The following ENTREP2 variants were observed in gnomAD, a reference collection of about 807,000 sequenced individuals.
ENTREP2 encodes the protein endosomal transmembrane epsin interactor 2, also known as protein ENTREP2.
chr15:29,556,305 G>C, the ENTREP2 span, among the ~76,000 whole-genome samples: 3 of 152,136 alleles, frequency 2.0e-5, no homozygotes, highest in Non-Finnish European at 4.4e-5. Flanking sequence ...TGGGTCAAGT[G>C]ACAACTTTCT....
the ENTREP2 span, among the ~76,000 whole-genome samples, chr15:29,611,372 C>G: frequency 6.6e-6 from 1 of 151,672 alleles, no homozygotes; most frequent in East Asian, 1.9e-4. Flanking sequence ...CATATTAAAA[C>G]TCATTAAAAA....
chr15:29,595,908 T>C, the ENTREP2 span, among the ~76,000 whole-genome samples: 1 of 152,124 alleles, frequency 6.6e-6, no homozygotes, highest in Admixed American at 6.6e-5. Context: ...TATGGGAATT[T>C]ATTTTGTGAG....
chr15:29,461,400 G>C, the ENTREP2 span, among the ~76,000 whole-genome samples: 5 of 152,016 alleles, frequency 3.3e-5, no homozygotes, highest in African/African-American at 1.2e-4. Context: ...GCTCAAGAAA[G>C]GTAATTTTTC....
the ENTREP2 span, among the ~76,000 whole-genome samples, chr15:29,286,695 A>C: frequency 6.6e-6 from 1 of 152,222 alleles, no homozygotes; most frequent in African/African-American, 2.4e-5. Context: ...CATGCCACTG[A>C]CTAGGGATGA....
the ENTREP2 span, among the ~76,000 whole-genome samples, chr15:29,283,145 C>A: frequency 6.6e-6 from 1 of 152,214 alleles, no homozygotes; most frequent in Non-Finnish European, 1.5e-5. Context: ...GTGGGGTCAG[C>A]TGGCCAATCT....
At chr15:29,440,079 T>C in the ENTREP2 span, among the ~76,000 whole-genome samples, 6 of 152,058 alleles carry the variant, frequency 3.9e-5, no homozygotes, top group South Asian at 4.2e-4. Context: ...GTCAAGGTCA[T>C]GAAAAACAAG....
At chr15:29,286,405 T>G in the ENTREP2 span, among the ~76,000 whole-genome samples, 1 of 152,234 alleles carries the variant, frequency 6.6e-6, no homozygotes, top group Admixed American at 6.5e-5. Context: ...TAACAGCATA[T>G]GTGGTACATT....
the ENTREP2 span, among the ~76,000 whole-genome samples, chr15:29,135,159 C>T: frequency 1.1e-4 from 16 of 151,794 alleles, no homozygotes; most frequent in South Asian, 8.3e-4. The surrounding 1 kb of genome is among the most constrained non-coding windows in gnomAD (Gnocchi z 7.4). Flanking sequence ...CCCCTGCCCA[C>T]GCCCTCTGCT....
chr15:29,136,024 T>C, the ENTREP2 span, among the ~76,000 whole-genome samples: 150 of 152,294 alleles, frequency 9.8e-4, 1 homozygote, highest in African/African-American at 3.4e-3. Context: ...CAGACGCACC[T>C]GGGCTGTGAC....
chr15:29,323,058 T>C, the ENTREP2 span, among the ~76,000 whole-genome samples: 15 of 152,170 alleles, frequency 9.9e-5, no homozygotes, highest in African/African-American at 3.6e-4. Context: ...AGAATACTCA[T>C]TTATAAGGTA....
chr15:29,252,195 C>T, the ENTREP2 span, among the ~76,000 whole-genome samples: 1 of 152,098 alleles, frequency 6.6e-6, no homozygotes, highest in South Asian at 2.1e-4. Flanking sequence ...GAATTGTTAT[C>T]TAACTTATAG....
chr15:29,331,609 G>A, the ENTREP2 span, among the ~76,000 whole-genome samples: 1 of 152,138 alleles, frequency 6.6e-6, no homozygotes, highest in Non-Finnish European at 1.5e-5. Context: ...CCCATGAACT[G>A]AGCATACTGT....
the ENTREP2 span, among the ~76,000 whole-genome samples, chr15:29,478,888 A>G: frequency 4.4e-4 from 63 of 143,618 alleles, no homozygotes; most frequent in Non-Finnish European, 7.8e-4. Context: ...AAAAAAATTG[A>G]AAATAATAAT....
chr15:29,449,234 G>C, the ENTREP2 span, among the ~76,000 whole-genome samples: 29 of 152,352 alleles, frequency 1.9e-4, 1 homozygote, highest in East Asian at 4.6e-3. Flanking sequence ...GCAGCATAAA[G>C]AGACATCTGA....
At chr15:29,430,556 G>C in the ENTREP2 span, among the ~76,000 whole-genome samples, 1 of 152,138 alleles carries the variant, frequency 6.6e-6, no homozygotes, top group Non-Finnish European at 1.5e-5. Flanking sequence ...TAAGGCAGGA[G>C]AATCACTTGA....
At chr15:29,636,317 C>T in the ENTREP2 span, among the ~76,000 whole-genome samples, 7 of 152,314 alleles carry the variant, frequency 4.6e-5, 1 homozygote, top group African/African-American at 1.7e-4. Context: ...GAGGTGTGGG[C>T]AAAGTCCTGG....
At chr15:29,128,789 C>T in the ENTREP2 span, 2 of 1,550,628 alleles carry the variant, frequency 1.3e-6, no homozygotes, top group Non-Finnish European at 1.7e-6. Flanking sequence ...GTAAGCTTAC[C>T]TGGAGTGCTG....
At chr15:29,416,633 C>CA in the ENTREP2 span, among the ~76,000 whole-genome samples, 1 of 152,010 alleles carries the variant, frequency 6.6e-6, no homozygotes, top group African/African-American at 2.4e-5. Flanking sequence ...CAACAAAAGC[C>CA]AAAATTGACA....
chr15:29,570,698 G>A, the ENTREP2 span: 1 of 1,146,138 alleles, frequency 8.7e-7, no homozygotes, highest in East Asian at 4.1e-5. Flanking sequence ...GGGACGCGGC[G>A]CTCGGGGGCC....
Sources: allele counts gnomAD v4.1 joint callset (sites outside exome capture counted in the v4.1 genomes callset), GRCh38; gene constraint gnomAD v4.1.1; non-coding constraint Gnocchi (gnomAD v3.1); transcripts MANE v1.5; gene names NCBI Gene and HGNC (gene_info 2026-07-23, HGNC 2026-07-21).